The following PTPRQ variants were observed in gnomAD, a reference collection of about 807,000 sequenced individuals.
PTPRQ encodes phosphatidylinositol phosphatase PTPRQ.
Under a neutral mutation model 246.0 loss-of-function variants are expected in PTPRQ, and 199 were observed. The observed-to-expected ratio is 0.81, with a 90% confidence interval of 0.72 to 0.91. PTPRQ has a LOEUF of 0.91. Among genes scored for constraint, PTPRQ ranks in the 40% least tolerant of loss-of-function variants. PTPRQ has a pLI of 0.00. For synonymous variants in PTPRQ, 869 were observed against 853.2 expected (o/e 1.02, Z -0.32); for missense variants, 2,624 against 2,528.4 (o/e 1.04, Z -0.81).
rs1287731310 is a variant in PTPRQ, at chr12:80,459,356, C to T, written c.533C>T (p.Pro178Leu). Residue 178 changes from proline (P) to leucine (L), a missense_variant, in exon 5 of 45, where the codon CCT becomes CTT. Pro to Leu is a moderately conservative substitution (Grantham distance 98). Coordinates refer to ENST00000644991, the MANE Select transcript of PTPRQ (RefSeq NM_001145026.2). The stretch of plus-strand genomic sequence containing the variant: ...GCAGTTAAGCTGATTTGGTATTTAC[C>T]TCGGCAACCAAATGGCAAAATTACC... ...ASAVKLIWYL[P>L]RQPNGKITSF... 6 of 398,298 alleles carry T rather than the reference C, an allele frequency of 1.5e-5. No homozygotes were observed. The highest frequency in any genetic ancestry group is 2.7e-5 in the Non-Finnish European group (6 of 225,986). The allele number at this position is 398,298 out of a possible 1,614,324, so 24.7% of individuals were successfully genotyped here.
chr12:80,613,968 C>T, intron 29 of PTPRQ, 132 bp downstream of exon 29: 1 of 1,138,764 alleles, frequency 8.8e-7, no homozygotes, highest in African/African-American at 1.6e-5. Context: ...GACATCTCAA[C>T]AAAAATAAAT....
chr12:80,511,761 CT>C (rs1273303169), intron 17 of PTPRQ, among the ~76,000 whole-genome samples: 1 of 152,172 alleles, frequency 6.6e-6, no homozygotes, highest in Non-Finnish European at 1.5e-5. Context: ...GGAAACAAAA[CT>C]TGTCACTTTG....
At chr12:80,511,281 T>G (rs1329706769) in intron 17 of PTPRQ, among the ~76,000 whole-genome samples, 7 of 152,164 alleles carry the variant, frequency 4.6e-5, no homozygotes, top group Non-Finnish European at 1.0e-4. Context: ...TTTACATATT[T>G]CTCTTTAAGA....
chr12:80,632,944 A>C (rs1565831178), intron 34 of PTPRQ, among the ~76,000 whole-genome samples: 1 of 152,202 alleles, frequency 6.6e-6, no homozygotes, highest in Non-Finnish European at 1.5e-5. Context: ...AGCTCATCCA[A>C]GTGAGCTGCT....
At chr12:80,672,140 G>C (rs1452475522) in intron 42 of PTPRQ, among the ~76,000 whole-genome samples, 1 of 151,522 alleles carries the variant, frequency 6.6e-6, no homozygotes, top group Non-Finnish European at 1.5e-5. Context: ...TTCAGTATGA[G>C]ACTTCTTACT....
chr12:80,544,219 A>G (rs1302702528), intron 23 of PTPRQ, among the ~76,000 whole-genome samples: 1 of 152,164 alleles, frequency 6.6e-6, no homozygotes, highest in Non-Finnish European at 1.5e-5. Context: ...AAAGATGTGT[A>G]CATTCGAAAT....
At chr12:80,637,851 C>T (rs1899715111) in intron 35 of PTPRQ, among the ~76,000 whole-genome samples, 1 of 152,304 alleles carries the variant, frequency 6.6e-6, no homozygotes, top group East Asian at 1.9e-4. Context: ...CAATCAGAGA[C>T]TGATGGTAGA....
chr12:80,515,742 CTTTTTT>C (rs34385655), intron 17 of PTPRQ, among the ~76,000 whole-genome samples: 1 of 137,900 alleles, frequency 7.3e-6, no homozygotes, highest in Non-Finnish European at 1.5e-5. Context: ...CTGAATATTT[CTTTTTT>C]TTTTTTTTTT....
chr12:80,506,369 A>G (rs1894961112), intron 15 of PTPRQ, among the ~76,000 whole-genome samples, 163 bp downstream of exon 15: 1 of 151,956 alleles, frequency 6.6e-6, no homozygotes, highest in Non-Finnish European at 1.5e-5. Context: ...ACATGAAAGA[A>G]TACTATAGAT....
chr12:80,450,402 T>G (rs1048586661), intron 3 of PTPRQ, among the ~76,000 whole-genome samples: 1 of 152,216 alleles, frequency 6.6e-6, no homozygotes, highest in African/African-American at 2.4e-5. Flanking sequence ...TGGGCAGAAC[T>G]TCCAACACTA....
chr12:80,542,235 A>C lies in PTPRQ; in HGVS notation c.3592A>C (p.Ile1198Leu), dbSNP rs574322193. The C allele has an allele frequency of 3.2e-6, 5 of 1,550,912 alleles. No individual in the cohort carries two copies. In the African/African-American group the frequency reaches 4.1e-5, roughly 13 times the overall value. ...AGGACCAAATGAAAATTATTCTTTC[A>C]TTACTTCTGATAATTACATAATATT... The part of the protein sequence containing the change: ...LQGPNENYSF[I>L]TSDNYIILEE... The change falls in exon 22 of 45, where the codon ATT becomes CTT. Residue 1198 changes from isoleucine (I) to leucine (L), a missense_variant. Coordinates refer to ENST00000644991, the MANE Select transcript of PTPRQ (RefSeq NM_001145026.2).
intron 6 of PTPRQ, among the ~76,000 whole-genome samples, chr12:80,466,526 C>A (rs1592540525): frequency 6.6e-6 from 1 of 152,066 alleles, no homozygotes; most frequent in Non-Finnish European, 1.5e-5. Context: ...CATATGGAAC[C>A]AAAAAGGAGC....
At chr12:80,610,963 A>C (rs1898528456) in intron 28 of PTPRQ, among the ~76,000 whole-genome samples, 1 of 150,358 alleles carries the variant, frequency 6.7e-6, no homozygotes, top group Admixed American at 6.7e-5. Flanking sequence ...ATCCAATAAC[A>C]CTTCAACTAA....
chr12:80,550,685 T>C (rs961100965), intron 25 of PTPRQ, among the ~76,000 whole-genome samples: 11 of 152,170 alleles, frequency 7.2e-5, no homozygotes, highest in African/African-American at 2.7e-4. Flanking sequence ...TCCAAGATGC[T>C]GACTGGTAAA....
intron 26 of PTPRQ, among the ~76,000 whole-genome samples, chr12:80,603,485 A>G (rs1236964675): frequency 2.0e-5 from 3 of 151,790 alleles, no homozygotes; most frequent in Middle Eastern, 3.4e-3. Context: ...TTCCTCCATA[A>G]ATACTGGTCT....
chr12:80,568,748 T>C (rs1040664775), intron 25 of PTPRQ, among the ~76,000 whole-genome samples: 1 of 152,166 alleles, frequency 6.6e-6, no homozygotes, highest in South Asian at 2.1e-4. Flanking sequence ...CACAATTTTC[T>C]CCCTGTGCAT....
chr12:80,494,837 A>G lies in PTPRQ; in HGVS notation c.1541-96A>G, dbSNP rs1046513261. The G allele has an allele frequency of 3.1e-6, 4 of 1,292,414 alleles. No individual in the cohort carries two copies. The African/African-American group carries it at 6.4e-5, about 21-fold the overall frequency. 80.1% of individuals were successfully genotyped at this position (1,292,414 alleles called of 1,614,324 possible). Reference sequence around the variant, plus strand: ...CATGGAGAGATTAATGAATACGGAGAAATCAGGTTTAAGATTTTATAGTCT... The same window carrying G: ...CATGGAGAGATTAATGAATACGGAGGAATCAGGTTTAAGATTTTATAGTCT... On this transcript the variant is annotated intron_variant, in intron 10 of 44. Transcript: ENST00000644991.
chr12:80,618,595 A>C (rs116651332), intron 30 of PTPRQ, among the ~76,000 whole-genome samples: 1 of 151,596 alleles, frequency 6.6e-6, no homozygotes, highest in African/African-American at 2.4e-5. Context: ...TCATAGAGAC[A>C]AAAAGATCAG....
At chr12:80,469,478 C>A (rs1233678594) in intron 7 of PTPRQ, among the ~76,000 whole-genome samples, 1 of 152,056 alleles carries the variant, frequency 6.6e-6, no homozygotes, top group Non-Finnish European at 1.5e-5. Context: ...TATGTAAAGT[C>A]TAAAATTCTC....
Sources: allele counts gnomAD v4.1 joint callset (sites outside exome capture counted in the v4.1 genomes callset), GRCh38; gene constraint gnomAD v4.1.1; transcripts MANE v1.5; gene names NCBI Gene and HGNC (gene_info 2026-07-23, HGNC 2026-07-21).